UNC80: variants seen among roughly 807,000 people sequenced by gnomAD.
UNC80 encodes the protein protein unc-80 homolog.
Under a neutral mutation model 384.6 loss-of-function variants are expected in UNC80, and 164 were observed. That is an observed-to-expected ratio of 0.43 (90% CI 0.38 to 0.49). The LOEUF (loss-of-function observed/expected upper bound fraction) is 0.49. UNC80 is among the 20% of genes least tolerant of loss of function. UNC80 has a pLI of 0.00. For synonymous variants in UNC80, 1,486 were observed against 1,527.8 expected (o/e 0.97, Z 0.64); for missense variants, 3,330 against 4,143.0 (o/e 0.80, Z 5.39).
intron 22 of UNC80, among the ~76,000 whole-genome samples, chr2:209,852,718 A>G (rs531780829): frequency 3.0e-4 from 45 of 152,176 alleles, no homozygotes; most frequent in African/African-American, 9.1e-4. Flanking sequence ...GTTCATACCT[A>G]TTGATCTGGG....
chr2:209,964,032 G>A (rs2092673736), intron 51 of UNC80, among the ~76,000 whole-genome samples: 1 of 152,162 alleles, frequency 6.6e-6, no homozygotes, highest in Admixed American at 6.5e-5. Context: ...TAATCAGAGA[G>A]GTAGTGGCCT....
rs2124941366 is a variant in UNC80 at position 209,912,541 on chromosome 2, A to G, written c.4783-19A>G. 1 of 1,517,398 alleles carries G rather than the reference A, an allele frequency of 6.6e-7. No individual in the cohort carries two copies. Among genetic ancestry groups the G allele is most frequent in the East Asian group, 2.5e-5 (1 of 40,570 alleles). The allele number at this position is 1,517,398 out of a possible 1,614,324, so 94.0% of individuals were successfully genotyped here. ...TAGAAAACACATCACTCTTCATTAC[A>G]TATCCCTGGTCTTTTCAGTGCTCAG... On this transcript the variant is annotated intron_variant, in intron 29 of 64. Coordinates refer to ENST00000673920, the MANE Select transcript of UNC80 (RefSeq NM_001371986.1).
chr2:209,946,783 C>A (rs2091934152), intron 47 of UNC80, among the ~76,000 whole-genome samples: 1 of 152,138 alleles, frequency 6.6e-6, no homozygotes, highest in African/African-American at 2.4e-5. Context: ...TGTTGACAAG[C>A]TCTTCCAGGA....
intron 28 of UNC80, among the ~76,000 whole-genome samples, chr2:209,904,357 A>G (rs2087914543): frequency 6.6e-6 from 1 of 152,234 alleles, no homozygotes; most frequent in South Asian, 2.1e-4. Flanking sequence ...ACAGCTGTCA[A>G]AGGTCAGCCA....
At position 209,922,299 on chromosome 2, in the gene UNC80, T is replaced by A. The variant is rs2090098205; in HGVS notation, c.5578T>A (p.Ser1860Thr). The A allele has an allele frequency of 6.4e-7, 1 of 1,552,082 alleles. No individual in the cohort carries two copies. Among genetic ancestry groups the A allele is most frequent in the Admixed American group, 2.0e-5 (1 of 50,982 alleles). ...LASRRLSVSP[S>T]CTSSTSHRNY... The stretch of plus-strand genomic sequence containing the variant: ...ATCCCGTCGACTGTCTGTGAGTCCA[T>A]CCTGCACCTCCAGCACTTCCCACAG... Residue 1860 changes from serine (S) to threonine (T), a missense_variant, in exon 35 of 65, where the codon TCC (serine) becomes ACC (threonine). This residue lies in a region of UNC80 where 1,049 missense variants were observed against 1,488.6 expected (regional missense o/e 0.70). Transcript: ENST00000673920.
At chr2:209,861,809 G>T (rs1239118641) in intron 22 of UNC80, among the ~76,000 whole-genome samples, 1 of 152,146 alleles carries the variant, frequency 6.6e-6, no homozygotes, top group Non-Finnish European at 1.5e-5. Flanking sequence ...AGATTTTCTA[G>T]TTTATTTGCA....
intron 8 of UNC80, among the ~76,000 whole-genome samples, chr2:209,815,000 T>C (rs1559135277): frequency 6.6e-6 from 1 of 151,984 alleles, no homozygotes; most frequent in African/African-American, 2.4e-5. Context: ...GAGATCCATC[T>C]TCTCTCTATT....
At chr2:209,916,050 A>G (rs1373742188) in intron 31 of UNC80, among the ~76,000 whole-genome samples, 1 of 152,216 alleles carries the variant, frequency 6.6e-6, no homozygotes, top group Admixed American at 6.5e-5. Context: ...TCAAAAAGAA[A>G]TAGTAATTTT....
At chr2:209,793,889 G>A (rs1365791030) in intron 7 of UNC80, 30 bp downstream of exon 7, 2 of 1,609,738 alleles carry the variant, frequency 1.2e-6, no homozygotes, top group Non-Finnish European at 1.7e-6. Flanking sequence ...GGGACAAAAT[G>A]TGTCACTGGT....
chr2:209,994,215 C>T lies in UNC80; in HGVS notation c.9659C>T (p.Ser3220Phe). 1 of 1,548,510 alleles carries T rather than the reference C, an allele frequency of 6.5e-7. No individual in the cohort carries two copies. Among genetic ancestry groups the T allele is most frequent in the Non-Finnish European group, 8.7e-7 (1 of 1,144,712 alleles). ...PEAMDEPVLT[S>F]SPAIVVADLH... Reference sequence around the variant, plus strand: ...GCAATGGACGAACCAGTCCTCACATCTTCTCCCGCCATAGTTGTTGCGGAT... The same window carrying T: ...GCAATGGACGAACCAGTCCTCACATTTTCTCCCGCCATAGTTGTTGCGGAT... Residue 3220 changes from serine (S) to phenylalanine (F), a missense_variant, in exon 64 of 65, where the codon TCT becomes TTT. Ser to Phe is a radical substitution (Grantham distance 155). Around this residue, in one of 8 missense-constraint regions of UNC80, gnomAD observed 236 missense variants for 254.9 expected, o/e 0.93. Coordinates refer to ENST00000673920, the MANE Select transcript of UNC80 (RefSeq NM_001371986.1).
intron 23 of UNC80, 111 bp downstream of exon 23, chr2:209,873,081 C>T: frequency 2.0e-6 from 2 of 1,000,132 alleles, no homozygotes; most frequent in Non-Finnish European, 1.5e-6. Flanking sequence ...TTGTTATGTA[C>T]CAGGTACTGA....
intron 13 of UNC80, among the ~76,000 whole-genome samples, chr2:209,823,524 A>G (rs1216627171): frequency 2.6e-5 from 4 of 152,004 alleles, no homozygotes; most frequent in Non-Finnish European, 5.9e-5. Context: ...GGAACCACTC[A>G]CCAAAGGATT....
At chr2:209,808,767 T>TTCTGCGCTACTCAGCGACCTCGTTGC in intron 7 of UNC80, 1 of 58,584 alleles carries the variant, frequency 1.7e-5, no homozygotes, top group African/African-American at 2.2e-4. Context: ...CCTGCGCTAC[T>TTCTGCGCTACTCAGCGACCTCGTTGC]TCTGCGCTAC....
chr2:209,815,272 T>C lies in UNC80; in HGVS notation c.1216T>C (p.Cys406Arg). ...THKTQDLTMK[C>R]NEEEKSLSSE... is the part of the protein sequence containing the mutation. ...CTTTATTAAGGATCTCACCATGAAGTGTAACGAGGAGGAAAAATCTCTTAG... is the reference window on the plus strand; with the variant it reads ...CTTTATTAAGGATCTCACCATGAAGCGTAACGAGGAGGAAAAATCTCTTAG... Residue 406 changes from cysteine to arginine, a missense_variant, in exon 9 of 65, where the codon TGT becomes CGT. Cys to Arg is a radical substitution (Grantham distance 180). Coordinates refer to ENST00000673920, the MANE Select transcript of UNC80 (RefSeq NM_001371986.1). The C allele has an allele frequency of 6.4e-7, 1 of 1,551,558 alleles. No individual in the cohort carries two copies. The highest frequency in any genetic ancestry group is 1.2e-5 in the South Asian group (1 of 84,036).
intron 51 of UNC80, among the ~76,000 whole-genome samples, chr2:209,964,961 T>A (rs961739473): frequency 2.6e-5 from 4 of 152,180 alleles, no homozygotes; most frequent in African/African-American, 7.2e-5. Context: ...TTGGGTTTTT[T>A]AAAAAAGAAT....
At chr2:209,826,119 C>A (rs773217520) in intron 14 of UNC80, 66 bp downstream of exon 14, 10 of 1,437,708 alleles carry the variant, frequency 7.0e-6, no homozygotes, top group Non-Finnish European at 9.2e-6. Flanking sequence ...AGAATGAGTC[C>A]TTTGACAATG....
intron 24 of UNC80, among the ~76,000 whole-genome samples, chr2:209,879,379 A>G (rs966720085): frequency 6.6e-6 from 1 of 152,212 alleles, no homozygotes; most frequent in East Asian, 1.9e-4. Flanking sequence ...TTGAATCTCC[A>G]TTAGACTGCA....
intron 26 of UNC80, among the ~76,000 whole-genome samples, chr2:209,893,094 T>G (rs1256193450): frequency 6.6e-6 from 1 of 152,238 alleles, no homozygotes; most frequent in African/African-American, 2.4e-5. Context: ...GTTATACAAG[T>G]TCTATCACAG....
intron 48 of UNC80, 28 bp downstream of exon 48, chr2:209,954,298 G>A (rs562181883): frequency 6.3e-6 from 9 of 1,422,778 alleles, no homozygotes; most frequent in Non-Finnish European, 8.3e-6. Flanking sequence ...AATAGCTACA[G>A]CCTTACATCA....
Sources: gnomAD v4.1 joint callset for allele counts (sites outside exome capture counted in the v4.1 genomes callset) on GRCh38, gnomAD v4.1.1 for gene constraint, gnomAD v4.1.1 regional missense constraint, MANE v1.5 for transcripts, NCBI Gene and HGNC (gene_info 2026-07-23, HGNC 2026-07-21) for gene names.